Variants in BAZ2B observed in about 807,000 individuals in gnomAD.
BAZ2B encodes bromodomain adjacent to zinc finger domain protein 2B.
A neutral mutation model predicts 246.0 loss-of-function variants in BAZ2B; 91 were observed. That is an observed-to-expected ratio of 0.37 (90% CI 0.31 to 0.44). The LOEUF (loss-of-function observed/expected upper bound fraction) is 0.44, where lower values mean the gene tolerates loss of function less well. Among genes scored for constraint, BAZ2B ranks in the 20% least tolerant of loss-of-function variants. The pLI, the probability that BAZ2B is intolerant of heterozygous loss-of-function variation, is 1.00. For missense variants in BAZ2B, 2,332 were observed against 2,533.7 expected (o/e 0.92, Z 1.71); for synonymous variants, 855 against 860.0 (o/e 0.99, Z 0.10).
intron 11 of BAZ2B, 75 bp downstream of exon 11, chr2:159,429,125 T>C: frequency 2.0e-6 from 2 of 981,136 alleles, no homozygotes; most frequent in South Asian, 5.0e-5. Flanking sequence ...TTGTAGAGAA[T>C]GAGAAATCAA....
chr2:159,686,605 AG>A, the BAZ2B span, among the ~76,000 whole-genome samples: 4 of 130,078 alleles, frequency 3.1e-5, no homozygotes, highest in Middle Eastern at 3.7e-3. Context: ...CTTGAACAGA[AG>A]AGGGATATTA....
At chr2:159,494,478 T>C (rs1577739193) in intron 2 of BAZ2B, among the ~76,000 whole-genome samples, 1 of 152,146 alleles carries the variant, frequency 6.6e-6, no homozygotes, top group African/African-American at 2.4e-5. Context: ...ACATACACAC[T>C]CACATATACA....
intron 2 of BAZ2B, among the ~76,000 whole-genome samples, chr2:159,518,560 AAG>A (rs1457531142): frequency 6.6e-6 from 1 of 152,196 alleles, no homozygotes; most frequent in Non-Finnish European, 1.5e-5. Flanking sequence ...CAAGAGGAGG[AAG>A]AAAGTTTCCT....
At chr2:159,483,500 G>C (rs559205340) in intron 2 of BAZ2B, among the ~76,000 whole-genome samples, 15 of 152,270 alleles carry the variant, frequency 9.9e-5, no homozygotes, top group African/African-American at 3.1e-4. Context: ...AACTAGGCTT[G>C]GCGCGGTGGC....
chr2:159,347,710 TC>T, intron 30 of BAZ2B, 64 bp from the exon 31 acceptor site: 1 of 1,352,598 alleles, frequency 7.4e-7, no homozygotes, highest in Admixed American at 2.4e-5. Context: ...AGAGACCTCT[TC>T]CAGAAAGTGA....
chr2:159,455,302 A>G (rs1305349354), intron 3 of BAZ2B, among the ~76,000 whole-genome samples: 1 of 152,130 alleles, frequency 6.6e-6, no homozygotes, highest in Non-Finnish European at 1.5e-5. Context: ...CGGTCAGTGT[A>G]CCCTCTAAAG....
At chr2:159,406,944 C>CG (rs2066033105) in intron 14 of BAZ2B, among the ~76,000 whole-genome samples, 1 of 151,624 alleles carries the variant, frequency 6.6e-6, no homozygotes, top group Non-Finnish European at 1.5e-5. Flanking sequence ...TTAGTAGAGA[C>CG]GGGGTTTCAC....
the BAZ2B span, among the ~76,000 whole-genome samples, chr2:159,697,768 C>A: frequency 6.6e-6 from 1 of 151,790 alleles, no homozygotes; most frequent in African/African-American, 2.4e-5. Flanking sequence ...AGGATTTTAC[C>A]TTGGAATCCT....
intron 36 of BAZ2B, 97 bp from the exon 37 acceptor site, chr2:159,320,515 G>C (rs2062590441): frequency 9.8e-7 from 1 of 1,019,870 alleles, no homozygotes; most frequent in Non-Finnish European, 1.4e-6. Context: ...AAAGAAAAAT[G>C]ATTAGGATAA....
At position 159,397,330 on chromosome 2, in the gene BAZ2B, T is replaced by C; in HGVS notation, c.3009+15A>G. 6.6e-7 allele frequency: 1 copy of C among 1,505,506 alleles called. No homozygotes were observed. The highest frequency in any genetic ancestry group is 1.2e-5 in the South Asian group (1 of 81,158). The allele number at this position is 1,505,506 out of a possible 1,614,324, so 93.3% of individuals were successfully genotyped here. A position where few individuals can be genotyped will look rare whatever the true frequency, so the allele number is the denominator to read the frequency against. ...AATGTACATTCAACAATTGTATAAC[T>C]ATACATATACAGACCTGATGTTTCA... On this transcript the variant is annotated intron_variant, in intron 19 of 36. Transcript: ENST00000392783.
chr2:159,524,837 C>T (rs1188836869), intron 2 of BAZ2B, among the ~76,000 whole-genome samples: 1 of 152,002 alleles, frequency 6.6e-6, no homozygotes, highest in African/African-American at 2.4e-5. Flanking sequence ...GTAGGCCTGT[C>T]ATTTACAAGG....
the BAZ2B span, among the ~76,000 whole-genome samples, chr2:159,631,747 A>G: frequency 6.6e-6 from 1 of 152,206 alleles, no homozygotes; most frequent in Non-Finnish European, 1.5e-5. Context: ...CCTTTGAATG[A>G]TGCTAGGGAA....
At chr2:159,330,556 T>C (rs751493864) in intron 34 of BAZ2B, among the ~76,000 whole-genome samples, 5 of 152,188 alleles carry the variant, frequency 3.3e-5, no homozygotes, top group South Asian at 2.1e-4. Flanking sequence ...TGAAAATCTA[T>C]AGTGAGTTCA....
intron 25 of BAZ2B, among the ~76,000 whole-genome samples, chr2:159,381,354 C>T (rs1320491536): frequency 6.6e-6 from 1 of 151,906 alleles, no homozygotes; most frequent in Non-Finnish European, 1.5e-5. Context: ...GTTCCTTTAC[C>T]TCCCCCTGCC....
chr2:159,607,335 G>A (rs1044858750), intron 1 of BAZ2B, among the ~76,000 whole-genome samples: 3 of 152,148 alleles, frequency 2.0e-5, no homozygotes, highest in Non-Finnish European at 4.4e-5. Flanking sequence ...TAGCAGGGGG[G>A]ATCATGCATT....
chr2:159,580,121 G>A (rs957247074), intron 1 of BAZ2B, among the ~76,000 whole-genome samples: 23 of 152,202 alleles, frequency 1.5e-4, no homozygotes, highest in African/African-American at 5.1e-4. Context: ...AAAAGAGGAA[G>A]TCAAATTGTC....
chr2:159,543,332 C>T (rs776591297), intron 2 of BAZ2B, among the ~76,000 whole-genome samples: 10 of 151,904 alleles, frequency 6.6e-5, no homozygotes, highest in Non-Finnish European at 1.0e-4. Flanking sequence ...TATGATAATG[C>T]TATTAGGCTA....
chr2:159,652,174 C>T, the BAZ2B span, among the ~76,000 whole-genome samples: 4 of 151,694 alleles, frequency 2.6e-5, no homozygotes, highest in East Asian at 5.8e-4. Context: ...TACAGGGATG[C>T]TAATTTCTCT....
the BAZ2B span, chr2:159,710,898 T>A: frequency 6.6e-6 from 1 of 152,232 alleles, no homozygotes; most frequent in Non-Finnish European, 1.5e-5. Context: ...AAGAGACCTA[T>A]GTAATATTAA....
Sources: allele counts gnomAD v4.1 joint callset (sites outside exome capture counted in the v4.1 genomes callset), GRCh38; gene constraint gnomAD v4.1.1; transcripts MANE v1.5; gene names NCBI Gene and HGNC (gene_info 2026-07-23, HGNC 2026-07-21).